The following GPC5 variants were observed in gnomAD, a reference collection of about 807,000 sequenced individuals.
GPC5 encodes glypican 5, also known as glypican-5.
GPC5 carries 47 observed loss-of-function variants against 53.9 expected under a neutral mutation model. The observed-to-expected ratio is 0.87, with a 90% confidence interval of 0.69 to 1.11. The LOEUF (loss-of-function observed/expected upper bound fraction) is 1.11, where lower values mean the gene tolerates loss of function less well. Among genes scored for constraint, GPC5 ranks in the 50% most tolerant of loss-of-function variants. The pLI is 0.00. For missense variants in GPC5, 748 were observed against 713.1 expected (o/e 1.05, Z -0.56); for synonymous variants, 286 against 263.3 (o/e 1.09, Z -0.84).
At chr13:92,290,793 G>A (rs35357434) in intron 7 of GPC5, among the ~76,000 whole-genome samples, 13,009 of 152,214 alleles carry the variant, frequency 0.085, 617 homozygotes, top group Middle Eastern at 0.12. Flanking sequence ...GGCGGCACTT[G>A]AGGAGCCCTT....
chr13:92,168,895 C>A (rs1303752619), intron 7 of GPC5, among the ~76,000 whole-genome samples: 1 of 152,116 alleles, frequency 6.6e-6, no homozygotes, highest in African/African-American at 2.4e-5. Flanking sequence ...ATGTTCATTG[C>A]AGCACTATTC....
rs111250998 is a variant in GPC5, at chr13:91,814,184, G to A, written c.1280+57764G>A. 9.8e-3 allele frequency among the ~76,000 whole-genome samples: 1,483 copies of A among 151,842 alleles called. 19 individuals are homozygous for A. The highest frequency in any genetic ancestry group is 0.034 in the African/African-American group (1,423 of 41,402). On this transcript the variant is annotated intron_variant, in intron 5 of 7. Coordinates refer to ENST00000377067, the MANE Select transcript of GPC5 (RefSeq NM_004466.6). ...CTTGACCTTGTGATCTGCCTGCCTC[G>A]GCCTCCCAAAGTGTTGGAATTACAG...
At chr13:91,516,917 GC>G (rs1170578910) in intron 2 of GPC5, among the ~76,000 whole-genome samples, 1 of 152,192 alleles carries the variant, frequency 6.6e-6, no homozygotes, top group African/African-American at 2.4e-5. Flanking sequence ...CACAGCCCGA[GC>G]TGTACGTTGT....
chr13:92,698,744 G>A (rs1262757197), intron 7 of GPC5, among the ~76,000 whole-genome samples: 7 of 152,154 alleles, frequency 4.6e-5, no homozygotes, highest in African/African-American at 1.4e-4. Flanking sequence ...GCACCACACC[G>A]ACTTCCACAA....
chr13:92,300,447 G>T (rs2043067673), intron 7 of GPC5, among the ~76,000 whole-genome samples: 1 of 152,154 alleles, frequency 6.6e-6, no homozygotes, highest in African/African-American at 2.4e-5. Flanking sequence ...CCCCAAATTT[G>T]CATTTCTAAC....
intron 7 of GPC5, among the ~76,000 whole-genome samples, chr13:92,781,479 A>AATT (rs1876021419): frequency 6.6e-6 from 1 of 152,138 alleles, no homozygotes; most frequent in Non-Finnish European, 1.5e-5. Context: ...TATAATTTCA[A>AATT]ATTATTTTGA....
rs542380756 is a variant in GPC5, at chr13:92,489,510, T to C, written c.1561+344521T>C. On this transcript the variant is annotated intron_variant, in intron 7 of 7. Coordinates refer to ENST00000377067, the MANE Select transcript of GPC5 (RefSeq NM_004466.6). ...AGATGGAGTGCTGATGTTGTTATTT[T>C]AGTTGAGGGATATGGACAGGGTTAC... Among the ~76,000 whole-genome samples the C allele has an allele frequency of 2.0e-5, 3 of 152,202 alleles. No individual in the cohort carries two copies. The South Asian group carries it at 6.2e-4, about 32-fold the overall frequency.
intron 6 of GPC5, among the ~76,000 whole-genome samples, chr13:92,098,120 C>A (rs975301065): frequency 6.6e-6 from 1 of 152,036 alleles, no homozygotes; most frequent in African/African-American, 2.4e-5. Flanking sequence ...GGTACTAAGC[C>A]TAGTATGCAA....
intron 7 of GPC5, among the ~76,000 whole-genome samples, chr13:92,400,953 A>G (rs1184107139): frequency 6.6e-6 from 1 of 152,088 alleles, no homozygotes; most frequent in Non-Finnish European, 1.5e-5. Flanking sequence ...GGACAGGGAC[A>G]AATCCTAGGT....
At chr13:91,726,031 G>C (rs1488046890) in intron 3 of GPC5, among the ~76,000 whole-genome samples, 1 of 152,078 alleles carries the variant, frequency 6.6e-6, no homozygotes, top group Non-Finnish European at 1.5e-5. Flanking sequence ...CGTCTTCCTT[G>C]GGTTCTTGTT....
At chr13:92,522,628 GA>G (rs2138971540) in intron 7 of GPC5, among the ~76,000 whole-genome samples, 1 of 152,188 alleles carries the variant, frequency 6.6e-6, no homozygotes, top group Admixed American at 6.6e-5. Flanking sequence ...TGGGGTGGGG[GA>G]AGGGGAGAGG....
intron 7 of GPC5, among the ~76,000 whole-genome samples, chr13:92,627,342 A>G: frequency 6.6e-6 from 1 of 152,236 alleles, no homozygotes. Flanking sequence ...CGTGGCAGCT[A>G]TAGTTTATAG....
At chr13:91,832,289 T>C (rs1442158594) in intron 5 of GPC5, among the ~76,000 whole-genome samples, 2 of 139,598 alleles carry the variant, frequency 1.4e-5, no homozygotes, top group African/African-American at 2.5e-5. Flanking sequence ...ATTGCAACCA[T>C]GCTTTTTTCT....
At chr13:92,241,106 C>G (rs1362588843) in intron 7 of GPC5, 1 of 152,028 alleles carries the variant, frequency 6.6e-6, no homozygotes, top group African/African-American at 2.4e-5. Flanking sequence ...TAACAAATAT[C>G]TAGTATAAGA....
chr13:92,794,325 A>C (rs1005849435), intron 7 of GPC5, among the ~76,000 whole-genome samples: 9 of 152,148 alleles, frequency 5.9e-5, no homozygotes, highest in Admixed American at 1.3e-4. Flanking sequence ...CTTTGGCAAA[A>C]CTCAACAGCC....
At chr13:91,506,685 A>G in intron 2 of GPC5, among the ~76,000 whole-genome samples, 1 of 152,016 alleles carries the variant, frequency 6.6e-6, no homozygotes, top group Admixed American at 6.6e-5. Flanking sequence ...CTTAAATGAC[A>G]TAGAAAAAAT....
chr13:92,788,178 A>C (rs1412316839), intron 7 of GPC5, among the ~76,000 whole-genome samples: 1 of 152,130 alleles, frequency 6.6e-6, no homozygotes, highest in Non-Finnish European at 1.5e-5. Flanking sequence ...ACTTTTGAAC[A>C]CATAATTTTT....
intron 6 of GPC5, among the ~76,000 whole-genome samples, chr13:92,139,588 A>G (rs894836085): frequency 1.4e-5 from 2 of 145,776 alleles, no homozygotes; most frequent in African/African-American, 5.2e-5. Flanking sequence ...AATTGCTTGA[A>G]CCTGGGAGGC....
chr13:92,620,219 C>G (rs1272371432), intron 7 of GPC5, among the ~76,000 whole-genome samples: 1 of 151,866 alleles, frequency 6.6e-6, no homozygotes, highest in Non-Finnish European at 1.5e-5. Flanking sequence ...AAAGATTACA[C>G]AACTAGAAAC....
Sources: allele counts gnomAD v4.1 joint callset (sites outside exome capture counted in the v4.1 genomes callset), GRCh38; gene constraint gnomAD v4.1.1; transcripts MANE v1.5; gene names NCBI Gene and HGNC (gene_info 2026-07-23, HGNC 2026-07-21).